Variants in TAS2R1 observed in about 807,000 individuals in gnomAD.
TAS2R1 encodes taste 2 receptor member 1.
For synonymous variants in TAS2R1, 141 were observed against 134.2 expected, an observed-to-expected ratio of 1.05 and a Z score of -0.35; for missense variants, 370 against 353.4, an observed-to-expected ratio of 1.05 and a Z score of -0.38.
chr5:9,772,152 T>A, the TAS2R1 span, among the ~76,000 whole-genome samples: 1 of 152,074 alleles, frequency 6.6e-6, no homozygotes, highest in East Asian at 1.9e-4. Flanking sequence ...CTATAAATTT[T>A]CCCTCTTAGT....
At chr5:9,632,405 T>A (rs1187346270), upstream of TAS2R1, among the ~76,000 whole-genome samples, 5 of 152,182 alleles carry the variant, frequency 3.3e-5, no homozygotes, top group East Asian at 7.7e-4. Flanking sequence ...TTGATGAAGG[T>A]TGGGTGGCTG....
At chr5:9,654,685 C>T (rs2126490935) in intron 2 of TAS2R1, among the ~76,000 whole-genome samples, 1 of 152,218 alleles carries the variant, frequency 6.6e-6, no homozygotes, top group South Asian at 2.1e-4. Context: ...AGTGGTTAAG[C>T]CACTAGAGAA....
At chr5:9,778,989 A>G in the TAS2R1 span, among the ~76,000 whole-genome samples, 2 of 152,184 alleles carry the variant, frequency 1.3e-5, no homozygotes, top group Non-Finnish European at 2.9e-5. Context: ...GGCTTTCAAC[A>G]TGCCTTCCTG....
At chr5:9,821,097 CCAA>C in the TAS2R1 span, among the ~76,000 whole-genome samples, 61 of 152,226 alleles carry the variant, frequency 4.0e-4, no homozygotes, top group African/African-American at 1.4e-3. Flanking sequence ...GCAGTGCAGG[CCAA>C]CAACTGTAGC....
chr5:9,829,893 G>C, the TAS2R1 span, among the ~76,000 whole-genome samples: 1 of 152,192 alleles, frequency 6.6e-6, no homozygotes, highest in East Asian at 1.9e-4. Context: ...AGGGGGGAAT[G>C]AATCATGGCA....
rs1368229702 is a variant in TAS2R1 at position 9,628,968 on chromosome 5, T to C, written c.*165A>G. The C allele has an allele frequency of 3.1e-6, 2 of 641,772 alleles. No individual in the cohort carries two copies. The highest frequency in any genetic ancestry group is 1.8e-5 in the African/African-American group (1 of 55,150). The allele number at this position is 641,772 out of a possible 1,614,324, so 39.8% of individuals were successfully genotyped here. ...GTGCTTTCAAAATCAGTTTAACTGCTTGAAAAAGTAGCATATCCACAGAAA... is the reference window on the plus strand; with the variant it reads ...GTGCTTTCAAAATCAGTTTAACTGCCTGAAAAAGTAGCATATCCACAGAAA... On this transcript the variant is annotated 3_prime_UTR_variant, in exon 1 of 1. Transcript: ENST00000382492.
chr5:9,796,383 C>T, the TAS2R1 span, among the ~76,000 whole-genome samples: 1 of 152,232 alleles, frequency 6.6e-6, no homozygotes, highest in African/African-American at 2.4e-5. Flanking sequence ...GTGAGCAGAA[C>T]CTATAGCTTC....
chr5:9,788,733 G>C, the TAS2R1 span, among the ~76,000 whole-genome samples: 1 of 152,172 alleles, frequency 6.6e-6, no homozygotes, highest in African/African-American at 2.4e-5. Flanking sequence ...CCGAACAACA[G>C]TAAACTCATT....
the TAS2R1 span, among the ~76,000 whole-genome samples, chr5:9,890,754 T>C: frequency 6.6e-6 from 1 of 152,244 alleles, no homozygotes; most frequent in African/African-American, 2.4e-5. Flanking sequence ...GATATTTAAA[T>C]GACTGACTAG....
rs549227681 is a variant in TAS2R1, at chr5:9,653,079, T to G, written c.-81+6342A>C. ...CCCCAACTGCTAGCATCCACCTTTC[T>G]GCTTCCTGTCTCTATGATTTGACTA... On this transcript the variant is annotated intron_variant, in intron 2 of 2. Coordinates refer to the TAS2R1 transcript ENST00000506620. 2.0e-5 allele frequency among the ~76,000 whole-genome samples: 3 copies of G among 152,310 alleles called. No homozygotes were observed. The South Asian group carries it at 6.2e-4, about 32-fold the overall frequency.
chr5:9,886,033 CTTT>C, the TAS2R1 span, among the ~76,000 whole-genome samples: 10 of 140,140 alleles, frequency 7.1e-5, no homozygotes, highest in African/African-American at 5.2e-5. Context: ...TTATATAATT[CTTT>C]TTTTTTTTTT....
chr5:9,745,989 A>G, the TAS2R1 span, among the ~76,000 whole-genome samples: 2 of 152,200 alleles, frequency 1.3e-5, no homozygotes, highest in Non-Finnish European at 2.9e-5. Context: ...CAACCTAAAG[A>G]ATGGGAGAAA....
At chr5:9,661,814 C>T (rs1740536210) in intron 1 of TAS2R1, among the ~76,000 whole-genome samples, 1 of 152,204 alleles carries the variant, frequency 6.6e-6, no homozygotes, top group African/African-American at 2.4e-5. Context: ...TACATATACA[C>T]ACATGTGCAC....
At chr5:9,867,343 G>A in the TAS2R1 span, among the ~76,000 whole-genome samples, 2 of 152,188 alleles carry the variant, frequency 1.3e-5, no homozygotes, top group Non-Finnish European at 2.9e-5. Flanking sequence ...AAGGAAAGAG[G>A]TTTAATTGAC....
the TAS2R1 span, among the ~76,000 whole-genome samples, chr5:9,896,874 T>A: frequency 6.6e-6 from 1 of 152,202 alleles, no homozygotes. Flanking sequence ...ATCTACTGTG[T>A]GCATGACAAC....
chr5:9,898,009 G>A, the TAS2R1 span, among the ~76,000 whole-genome samples: 43 of 152,162 alleles, frequency 2.8e-4, no homozygotes, highest in African/African-American at 1.0e-3. Context: ...CTAATGACAC[G>A]GGGACTCACT....
chr5:9,834,855 A>T, the TAS2R1 span, among the ~76,000 whole-genome samples: 2 of 152,076 alleles, frequency 1.3e-5, no homozygotes, highest in East Asian at 3.9e-4. Context: ...ATAGAAATTC[A>T]ATTTGCTGCA....
chr5:9,748,533 G>A, the TAS2R1 span, among the ~76,000 whole-genome samples: 1 of 152,256 alleles, frequency 6.6e-6, no homozygotes, highest in African/African-American at 2.4e-5. Context: ...ATCTCATGGA[G>A]CCCTCAGGCG....
chr5:9,639,446 C>T (rs573176488), intron 2 of TAS2R1, among the ~76,000 whole-genome samples: 5 of 152,282 alleles, frequency 3.3e-5, no homozygotes, highest in Non-Finnish European at 5.9e-5. Context: ...TCCTATCATG[C>T]TTTGGGAACT....
Sources: allele counts gnomAD v4.1 joint callset (sites outside exome capture counted in the v4.1 genomes callset), GRCh38; gene constraint gnomAD v4.1.1; transcripts MANE v1.5; gene names NCBI Gene and HGNC (gene_info 2026-07-23, HGNC 2026-07-21).